Variants in RC3H1 observed in about 807,000 individuals in gnomAD.
RC3H1 encodes ring finger and CCCH-type domains 1, also known as roquin-1.
A neutral mutation model predicts 138.2 loss-of-function variants in RC3H1; 50 were observed. The ratio of observed to expected loss-of-function variants is 0.36; its 90% CI spans 0.29 to 0.46. The LOEUF (loss-of-function observed/expected upper bound fraction) is 0.46. Ranked by LOEUF, RC3H1 falls within the 20% of genes least tolerant of loss-of-function variation. The pLI is 1.00. For synonymous variants in RC3H1, 462 were observed against 489.1 expected (o/e 0.94, Z 0.73); for missense variants, 1,031 against 1,388.1 (o/e 0.74, Z 4.09).
chr1:173,987,624 A>C (rs1661081819), intron 2 of RC3H1, among the ~76,000 whole-genome samples: 1 of 152,224 alleles, frequency 6.6e-6, no homozygotes, highest in East Asian at 1.9e-4. Context: ...GAATGGTATT[A>C]GAAACCAAGA....
chr1:173,956,246 T>C (rs1659642488), intron 13 of RC3H1, among the ~76,000 whole-genome samples: 2 of 152,136 alleles, frequency 1.3e-5, no homozygotes, highest in African/African-American at 2.4e-5. Flanking sequence ...GGAAGCATCC[T>C]GCATTTCTGT....
chr1:173,992,826 G>A lies in RC3H1; in HGVS notation c.160C>T (p.Gln54Ter). Residue 54 changes from glutamine to a stop codon, truncating the protein, a stop_gained, in exon 2 of 20, where the codon CAG becomes TAG. Transcript: ENST00000367696. LOFTEE classifies it high-confidence loss of function. ...TCAATGTCTGTATTGATAGTGGTCTGGTCAAATGGGCAAGCCTTGCGGTGG... is the reference window on the plus strand; with the variant it reads ...TCAATGTCTGTATTGATAGTGGTCTAGTCAAATGGGCAAGCCTTGCGGTGG... ...KLHRKACPFD[Q>*]TTINTDIELL... 1 of 1,614,176 alleles carries A rather than the reference G, an allele frequency of 6.2e-7. No homozygotes were observed. The highest frequency in any genetic ancestry group is 8.5e-7 in the Non-Finnish European group (1 of 1,180,044).
Position 173,938,539 on chromosome 1 carries a change from T to C in RC3H1, c.*182A>G, listed in dbSNP as rs564335660. On this transcript the variant is annotated 3_prime_UTR_variant, in exon 20 of 20. Coordinates refer to ENST00000367696, the MANE Select transcript of RC3H1 (RefSeq NM_172071.4). ...TTTTTCTTTAAATTAAAAAAATGCA[T>C]TAATGTGAACTATGTGCAGGGTTTG... 4.2e-5 allele frequency: 18 copies of C among 426,386 alleles called. No individual in the cohort carries two copies. The Middle Eastern group carries it at 3.1e-3, about 73-fold the overall frequency. 26.4% of individuals were successfully genotyped at this position (426,386 alleles called of 1,614,324 possible). A position where few individuals can be genotyped will look rare whatever the true frequency, so the allele number is the denominator to read the frequency against.
intron 13 of RC3H1, among the ~76,000 whole-genome samples, chr1:173,957,958 T>C (rs1659716990): frequency 1.3e-5 from 2 of 152,204 alleles, no homozygotes; most frequent in African/African-American, 4.8e-5. Context: ...AGTGTTTAGA[T>C]GAGAAAACTA....
chr1:173,977,401 T>C (rs1360649034), intron 7 of RC3H1, among the ~76,000 whole-genome samples: 1 of 152,188 alleles, frequency 6.6e-6, no homozygotes, highest in Non-Finnish European at 1.5e-5. Context: ...TGAAACAGTA[T>C]GTAGAACAAG....
intron 5 of RC3H1, among the ~76,000 whole-genome samples, chr1:173,981,246 A>C (rs561234575): frequency 6.6e-6 from 1 of 152,330 alleles, no homozygotes; most frequent in African/African-American, 2.4e-5. Context: ...AGAAAGAATA[A>C]ATACAGGCTG....
rs1659182153 is a variant in RC3H1 at position 173,947,455 on chromosome 1, C to T, written c.2651G>A (p.Arg884Gln). 1 of 1,614,010 alleles carries T rather than the reference C, an allele frequency of 6.2e-7. No individual in the cohort carries two copies. The highest frequency in any genetic ancestry group is 8.5e-7 in the Non-Finnish European group (1 of 1,180,000). The change falls in exon 15 of 20, where the codon CGA becomes CAA. Residue 884 changes from arginine to glutamine, a missense_variant. Arg to Gln is a conservative substitution (Grantham distance 43). Coordinates refer to ENST00000367696, the MANE Select transcript of RC3H1 (RefSeq NM_172071.4). ...PTVSRFGAIS[R>Q]TSKTIYQGAG... is the part of the protein sequence containing the mutation. Reference sequence around the variant, plus strand: ...ACCCTGATATATAGTTTTGGAAGTTCGTGAGATGGCACCAAACCGAGACAC... The same window carrying T: ...ACCCTGATATATAGTTTTGGAAGTTTGTGAGATGGCACCAAACCGAGACAC...
At position 173,964,928 on chromosome 1, in the gene RC3H1, C is replaced by T. The variant is rs143588430; in HGVS notation, c.1527G>A (p.Pro509=). The T allele has an allele frequency of 2.6e-4, 426 of 1,614,028 alleles. 2 individuals are homozygous for T. The highest frequency in any genetic ancestry group is 9.0e-4 in the South Asian group (82 of 91,068). The change falls in exon 10 of 20, where the codon CCG becomes CCA. Residue 509 remains proline, a synonymous_variant. Transcript: ENST00000367696. ...STGNTVTQLI[P]RGTDPSYDSS... Reference sequence around the variant, plus strand: ...AATCATAGCTGGGGTCTGTCCCTCGCGGAATAAGCTGTGTTACTGTATTCC... The same window carrying T: ...AATCATAGCTGGGGTCTGTCCCTCGTGGAATAAGCTGTGTTACTGTATTCC...
intron 14 of RC3H1, among the ~76,000 whole-genome samples, chr1:173,949,649 ATGAG>A (rs894194933): frequency 5.3e-5 from 8 of 152,162 alleles, no homozygotes; most frequent in African/African-American, 1.9e-4. Context: ...GATTATAGGT[ATGAG>A]CCACAGTACC....
intron 2 of RC3H1, among the ~76,000 whole-genome samples, chr1:173,990,944 C>T (rs6677446): frequency 0.049 from 7,515 of 152,222 alleles, 629 homozygotes; most frequent in African/African-American, 0.17. Context: ...AAGTATGCAA[C>T]ACTAGCTGGG....
chr1:174,021,715 A>G (rs1414279738), intron 1 of RC3H1, among the ~76,000 whole-genome samples: 15 of 152,008 alleles, frequency 9.9e-5, no homozygotes, highest in Non-Finnish European at 2.2e-4. Context: ...CCACCCCCAC[A>G]GACTAGGGGT....
At chr1:173,984,641 C>G (rs754866703) in intron 2 of RC3H1, 22 bp from the exon 3 acceptor site, 5 of 1,608,356 alleles carry the variant, frequency 3.1e-6, no homozygotes, top group Non-Finnish European at 4.2e-6. Flanking sequence ...AAGAAAAGAT[C>G]TGTATGAGTG....
rs373795109 is a variant in RC3H1, at chr1:174,012,558, C to T, written c.-151+9538G>A. Among the ~76,000 whole-genome samples, 48 of 151,844 alleles carry T rather than the reference C, an allele frequency of 3.2e-4. 2 individuals carry two copies. In the South Asian group the frequency reaches 7.9e-3, roughly 25 times the overall value. ...CAGCACTTTGGGAGGCCGGGGCAGGCGGATCATGAGGTCAGGAGATCGAGA... is the reference window on the plus strand; with the variant it reads ...CAGCACTTTGGGAGGCCGGGGCAGGTGGATCATGAGGTCAGGAGATCGAGA... On this transcript the variant is annotated intron_variant, in intron 1 of 19. Coordinates refer to ENST00000367696, the MANE Select transcript of RC3H1 (RefSeq NM_172071.4).
Position 173,937,247 on chromosome 1 carries a change from T to G in RC3H1, c.*1474A>C, listed in dbSNP as rs1192431745. On this transcript the variant is annotated 3_prime_UTR_variant, in exon 20 of 20. Coordinates refer to ENST00000367696, the MANE Select transcript of RC3H1 (RefSeq NM_172071.4). The stretch of plus-strand genomic sequence containing the variant: ...GGACACAGAGCTTAGACTGAGGTTG[T>G]TATGACCTCAGCAGGAGTTAAGGGT... 3 of 152,286 alleles carry G rather than the reference T, an allele frequency of 2.0e-5. No homozygotes were observed. Among genetic ancestry groups the G allele is most frequent in the Non-Finnish European group, 4.4e-5 (3 of 67,968 alleles). 9.4% of individuals were successfully genotyped at this position (152,286 alleles called of 1,614,324 possible).
intron 13 of RC3H1, among the ~76,000 whole-genome samples, chr1:173,954,485 GA>G (rs1320613002): frequency 6.6e-6 from 1 of 152,054 alleles, no homozygotes; most frequent in Non-Finnish European, 1.5e-5. Context: ...TACACAGGAG[GA>G]ATTACTTCTA....
chr1:173,989,962 G>A (rs998949372), intron 2 of RC3H1, among the ~76,000 whole-genome samples: 13 of 150,640 alleles, frequency 8.6e-5, no homozygotes, highest in African/African-American at 2.2e-4. Context: ...TCCTGACCTC[G>A]TGATCCACCC....
rs189125962 is a variant in RC3H1, at chr1:173,996,088, T to C, written c.-150-2953A>G. Among the ~76,000 whole-genome samples the C allele has an allele frequency of 3.8e-3, 572 of 152,204 alleles. 4 individuals are homozygous for C. Among genetic ancestry groups the C allele is most frequent in the African/African-American group, 0.012 (492 of 41,508 alleles). ...GGCCAACATGGTGAAACCCTATCTCTACTAAAATTACAAAAATTAGCCAGG... is the reference window on the plus strand; with the variant it reads ...GGCCAACATGGTGAAACCCTATCTCCACTAAAATTACAAAAATTAGCCAGG... On this transcript the variant is annotated intron_variant, in intron 1 of 19. Transcript: ENST00000367696.
intron 10 of RC3H1, 63 bp from the exon 11 acceptor site, chr1:173,964,250 A>G (rs1660004194): frequency 1.5e-6 from 2 of 1,319,224 alleles, no homozygotes; most frequent in Non-Finnish European, 2.2e-6. Flanking sequence ...AATTGTTACA[A>G]GTAAAAAAGA....
chr1:174,012,377 A>G (rs2103097716), intron 1 of RC3H1, among the ~76,000 whole-genome samples: 1 of 152,302 alleles, frequency 6.6e-6, no homozygotes, highest in East Asian at 1.9e-4. Context: ...CTATAGCTAT[A>G]GCTTCTATAG....
Sources: gnomAD v4.1 joint callset for allele counts (sites outside exome capture counted in the v4.1 genomes callset) on GRCh38, gnomAD v4.1.1 for gene constraint, MANE v1.5 for transcripts, NCBI Gene and HGNC (gene_info 2026-07-23, HGNC 2026-07-21) for gene names.